The following PMM2 variants were observed in gnomAD, a reference collection of about 807,000 sequenced individuals.
The protein encoded by PMM2 is mannose-6-phosphate isomerase.
PMM2 carries 35 observed loss-of-function variants against 33.2 expected under a neutral mutation model. That is an observed-to-expected ratio of 1.06 (90% CI 0.81 to 1.40). The LOEUF (loss-of-function observed/expected upper bound fraction) is 1.40. Among genes scored for constraint, PMM2 ranks in the 40% most tolerant of loss-of-function variants. The pLI, the probability that PMM2 is intolerant of heterozygous loss-of-function variation, is 0.00. For synonymous variants in PMM2, 153 were observed against 114.7 expected (o/e 1.33, Z -2.13); for missense variants, 386 against 306.0 (o/e 1.26, Z -1.95).
chr16:8,815,252 C>G (rs888232899), intron 7 of PMM2, among the ~76,000 whole-genome samples: 1 of 148,890 alleles, frequency 6.7e-6, no homozygotes, highest in African/African-American at 2.5e-5. Context: ...CAGAATCTCG[C>G]TCTGTCGCCC....
At chr16:8,819,096 T>C (rs2060723250) in intron 7 of PMM2, among the ~76,000 whole-genome samples, 1 of 152,256 alleles carries the variant, frequency 6.6e-6, no homozygotes, top group African/African-American at 2.4e-5. Context: ...GTTTTTGACT[T>C]GACGCTTCCA....
chr16:8,830,202 C>A (rs2060801742), intron 7 of PMM2, among the ~76,000 whole-genome samples: 1 of 152,204 alleles, frequency 6.6e-6, no homozygotes, highest in African/African-American at 2.4e-5. Flanking sequence ...CCTCTGGATC[C>A]ATCACCAGTG....
chr16:8,837,834 A>G (rs1402964679), intron 7 of PMM2, among the ~76,000 whole-genome samples: 1 of 152,134 alleles, frequency 6.6e-6, no homozygotes, highest in Admixed American at 6.5e-5. Context: ...GCGTCCCTGC[A>G]GTGATTAAAC....
At chr16:8,838,249 G>T (rs2060864551) in intron 7 of PMM2, among the ~76,000 whole-genome samples, 1 of 151,988 alleles carries the variant, frequency 6.6e-6, no homozygotes, top group Admixed American at 6.6e-5. Flanking sequence ...GATCAGTTCG[G>T]GTGGGGCAGA....
At chr16:8,847,428 C>G (rs919349471) in intron 7 of PMM2, among the ~76,000 whole-genome samples, 9 of 147,748 alleles carry the variant, frequency 6.1e-5, no homozygotes, top group Non-Finnish European at 9.0e-5. Flanking sequence ...CTCGCTGATG[C>G]CTTCTGTGTA....
rs77026919 is a variant in PMM2, at chr16:8,804,954, A to T, written c.255+111A>T. ...GAGGAACGGGTAGAAATGAATCTTTACTCTGTATTTTTTGTTTTGCATTTT... is the reference window on the plus strand; with the variant it reads ...GAGGAACGGGTAGAAATGAATCTTTTCTCTGTATTTTTTGTTTTGCATTTT... On this transcript the variant is annotated intron_variant, in intron 3 of 7. Transcript: ENST00000268261. 41,317 of 720,300 alleles carry T rather than the reference A, an allele frequency of 0.057. 1,452 individuals carry two copies. Among genetic ancestry groups the T allele is most frequent in the Middle Eastern group, 0.09 (255 of 2,838 alleles). The allele number at this position is 720,300 out of a possible 1,614,324, so 44.6% of individuals were successfully genotyped here.
At chr16:8,837,762 G>T (rs2060860532) in intron 7 of PMM2, among the ~76,000 whole-genome samples, 1 of 152,046 alleles carries the variant, frequency 6.6e-6, no homozygotes, top group South Asian at 2.1e-4. Flanking sequence ...CGCTAAGGGT[G>T]AAGGACCAAG....
At position 8,811,189 on chromosome 16, in the gene PMM2, C is replaced by T; in HGVS notation, c.447+11C>T. ...TACGAACTCGATAAAGTACGTCTTT[C>T]TGAAATATCTTTGGTGAATGGCTGG... On this transcript the variant is annotated intron_variant, in intron 5 of 7. Coordinates refer to ENST00000268261, the MANE Select transcript of PMM2 (RefSeq NM_000303.3). 6.7e-7 allele frequency: 1 copy of T among 1,502,440 alleles called. No individual in the cohort carries two copies. The highest frequency in any genetic ancestry group is 1.4e-5 in the African/African-American group (1 of 72,296). 93.1% of individuals were successfully genotyped at this position (1,502,440 alleles called of 1,614,324 possible). A position where few individuals can be genotyped will look rare whatever the true frequency, so the allele number is the denominator to read the frequency against.
chr16:8,847,644 C>G, intron 7 of PMM2, 80 bp from the exon 8 acceptor site: 1 of 1,044,570 alleles, frequency 9.6e-7, no homozygotes, highest in Non-Finnish European at 1.5e-6. Context: ...TTTTTGGGTA[C>G]TTTTGGACTC....
Position 8,797,903 on chromosome 16 carries a change from G to T in PMM2, c.21G>T (p.Ala7=), listed in dbSNP as rs1333237246. 1.2e-6 allele frequency: 2 copies of T among 1,611,476 alleles called. No homozygotes were observed. The highest frequency in any genetic ancestry group is 2.7e-5 in the African/African-American group (2 of 75,036). Residue 7 remains alanine, a synonymous_variant, in exon 1 of 8, where the codon GCG becomes GCT. Coordinates refer to ENST00000268261, the MANE Select transcript of PMM2 (RefSeq NM_000303.3). Reference sequence around the variant, plus strand: ...GGGACATGGCAGCGCCTGGCCCAGCGCTCTGCCTCTTCGACGTGGATGGGA... The same window carrying T: ...GGGACATGGCAGCGCCTGGCCCAGCTCTCTGCCTCTTCGACGTGGATGGGA... MAAPGP[A]LCLFDVDGTL...
Position 8,797,921 on chromosome 16 carries a change from G to C in PMM2, c.39G>C (p.Val13=), listed in dbSNP as rs2060588653. 1 of 1,610,418 alleles carries C rather than the reference G, an allele frequency of 6.2e-7. No homozygotes were observed. Among genetic ancestry groups the C allele is most frequent in the African/African-American group, 1.3e-5 (1 of 74,922 alleles). ...GCCCAGCGCTCTGCCTCTTCGACGT[G>C]GATGGGACCCTCACCGCCCCGCGGC... ...APGPALCLFD[V]DGTLTAPRQK... is the part of the protein sequence containing the mutation. The change falls in exon 1 of 8, where the codon GTG becomes GTC. Residue 13 remains valine, a synonymous_variant. Coordinates refer to ENST00000268261, the MANE Select transcript of PMM2 (RefSeq NM_000303.3).
At chr16:8,813,167 A>G in intron 7 of PMM2, 61 bp downstream of exon 7, 1 of 1,067,018 alleles carries the variant, frequency 9.4e-7, no homozygotes. Context: ...GGGGAAATTG[A>G]CAACTGGGCT....
intron 1 of PMM2, among the ~76,000 whole-genome samples, chr16:8,801,364 A>G (rs1399977008): frequency 6.6e-6 from 1 of 152,202 alleles, no homozygotes; most frequent in Non-Finnish European, 1.5e-5. Flanking sequence ...AGAGCTGGTA[A>G]CTTAATTGGC....
chr16:8,815,827 G>A (rs1431527617), intron 7 of PMM2, among the ~76,000 whole-genome samples: 1 of 152,156 alleles, frequency 6.6e-6, no homozygotes, highest in Non-Finnish European at 1.5e-5. Context: ...AAACTAAAAA[G>A]TGTCTGCACA....
At chr16:8,836,329 C>T (rs1304513399) in intron 7 of PMM2, among the ~76,000 whole-genome samples, 2 of 152,048 alleles carry the variant, frequency 1.3e-5, no homozygotes, top group Non-Finnish European at 2.9e-5. Context: ...AGCCTTGGGC[C>T]AGAGTTCCAG....
intron 7 of PMM2, among the ~76,000 whole-genome samples, chr16:8,846,618 A>G (rs1314230629): frequency 1.3e-5 from 2 of 152,136 alleles, no homozygotes; most frequent in African/African-American, 2.4e-5. Context: ...AGGTCCTCCT[A>G]GACATGGGCC....
At chr16:8,832,368 G>A in intron 7 of PMM2, 3 of 985,430 alleles carry the variant, frequency 3.0e-6, no homozygotes, top group Non-Finnish European at 3.6e-6. Context: ...CTTCCTGGAT[G>A]GGAATTGATT....
At chr16:8,834,825 A>T (rs4328440) in intron 7 of PMM2, among the ~76,000 whole-genome samples, 67,134 of 144,206 alleles carry the variant, frequency 0.47, 14,329 homozygotes, top group Non-Finnish European at 0.48. Context: ...AGAAGGAAAT[A>T]TGGGGAAATG....
chr16:8,832,697 G>T (rs972728847), intron 7 of PMM2: 2 of 985,466 alleles, frequency 2.0e-6, no homozygotes, highest in South Asian at 9.4e-5. Flanking sequence ...GAAAGATCCT[G>T]TTGTAAAGTA....
Sources: allele counts gnomAD v4.1 joint callset (sites outside exome capture counted in the v4.1 genomes callset), GRCh38; gene constraint gnomAD v4.1.1; transcripts MANE v1.5; gene names NCBI Gene and HGNC (gene_info 2026-07-23, HGNC 2026-07-21).